Variants in RBFOX1 observed in about 807,000 individuals in gnomAD.
RBFOX1 encodes the protein RNA binding protein fox-1 homolog 1.
A neutral mutation model predicts 57.7 loss-of-function variants in RBFOX1; 8 were observed. The observed-to-expected ratio is 0.14, with a 90% CI of 0.08 to 0.25. The LOEUF is 0.25. Among genes scored for constraint, RBFOX1 ranks in the 10% least tolerant of loss-of-function variants. The pLI, the probability that RBFOX1 is intolerant of heterozygous loss-of-function variation, is 1.00. For synonymous variants in RBFOX1, 326 were observed against 222.4 expected, an observed-to-expected ratio of 1.47 and a Z score of -4.15; for missense variants, 611 against 548.5, an observed-to-expected ratio of 1.11 and a Z score of -1.14.
intron 2 of RBFOX1, among the ~76,000 whole-genome samples, chr16:5,510,262 C>G (rs566178392): frequency 6.0e-4 from 92 of 152,338 alleles, no homozygotes; most frequent in African/African-American, 1.8e-3. Flanking sequence ...CTTATTGTCA[C>G]AGGTGCAGCT....
intron 3 of RBFOX1, among the ~76,000 whole-genome samples, chr16:6,863,003 C>CA (rs1234017130): frequency 6.6e-6 from 1 of 151,142 alleles, no homozygotes; most frequent in African/African-American, 2.4e-5. Context: ...AAAAGGAAGA[C>CA]AGGCCGCAGC....
At chr16:6,312,479 T>C (rs971559388) in intron 1 of RBFOX1, among the ~76,000 whole-genome samples, 1 of 152,100 alleles carries the variant, frequency 6.6e-6, no homozygotes, top group Non-Finnish European at 1.5e-5. Flanking sequence ...TGAACCTAGA[T>C]AGGGTGAGGT....
At chr16:5,683,677 C>A (rs1017155332) in intron 3 of RBFOX1, among the ~76,000 whole-genome samples, 1 of 151,836 alleles carries the variant, frequency 6.6e-6, no homozygotes, top group Admixed American at 6.6e-5. Flanking sequence ...CCTCAGCTTA[C>A]ACACGGCCTA....
chr16:6,457,393 T>A (rs1478376796), intron 2 of RBFOX1, among the ~76,000 whole-genome samples: 1 of 148,246 alleles, frequency 6.7e-6, no homozygotes, highest in African/African-American at 2.5e-5. Flanking sequence ...AGGACACATC[T>A]CTGGGCCCTT....
At chr16:7,513,278 A>G (rs28542601) in intron 4 of RBFOX1, among the ~76,000 whole-genome samples, 1 of 17,410 alleles carries the variant, frequency 5.7e-5, no homozygotes, top group Non-Finnish European at 5.4e-4. Context: ...AAATAAAAAT[A>G]AAAATAATGA....
At chr16:7,268,922 A>C (rs1447315911) in intron 4 of RBFOX1, among the ~76,000 whole-genome samples, 1 of 151,818 alleles carries the variant, frequency 6.6e-6, no homozygotes, top group African/African-American at 2.4e-5. Context: ...CTGCAATCCC[A>C]GCTACTCAGG....
At chr16:7,075,008 A>C (rs1201948638) in intron 4 of RBFOX1, among the ~76,000 whole-genome samples, 1 of 152,152 alleles carries the variant, frequency 6.6e-6, no homozygotes. Flanking sequence ...GTGAGAATTA[A>C]AGAAAAAGAG....
intron 2 of RBFOX1, among the ~76,000 whole-genome samples, chr16:6,516,966 G>T (rs888059489): frequency 6.6e-6 from 1 of 152,144 alleles, no homozygotes; most frequent in Non-Finnish European, 1.5e-5. Flanking sequence ...TGGGGGCAGA[G>T]ATAAAGTATG....
intron 2 of RBFOX1, among the ~76,000 whole-genome samples, chr16:5,507,264 C>A (rs371313267): frequency 3.9e-5 from 6 of 152,194 alleles, no homozygotes; most frequent in African/African-American, 1.4e-4. Context: ...ATTATTATAC[C>A]ATTTGCCATG....
chr16:6,694,234 G>T (rs2060685586), intron 3 of RBFOX1, among the ~76,000 whole-genome samples: 1 of 152,092 alleles, frequency 6.6e-6, no homozygotes, highest in Non-Finnish European at 1.5e-5. Context: ...CACCCATTGT[G>T]CGATTCTCCA....
intron 3 of RBFOX1, among the ~76,000 whole-genome samples, chr16:6,767,944 T>TAAGAAGAAGAAGAAGAAGAAGAAG (rs1328651970): frequency 4.4e-4 from 38 of 86,634 alleles, no homozygotes; most frequent in African/African-American, 1.9e-3. Context: ...ATAATAATAA[T>TAAGAAGAAGAAGAAGAAGAAGAAG]AATAAGAAGA....
chr16:6,735,407 G>C (rs2069909857), intron 3 of RBFOX1, among the ~76,000 whole-genome samples: 1 of 152,170 alleles, frequency 6.6e-6, no homozygotes, highest in Non-Finnish European at 1.5e-5. Flanking sequence ...TTGGAAAATT[G>C]TAAATAGGTA....
intron 3 of RBFOX1, among the ~76,000 whole-genome samples, chr16:5,778,444 C>G (rs1268182390): frequency 6.6e-6 from 1 of 152,192 alleles, no homozygotes; most frequent in Non-Finnish European, 1.5e-5. Flanking sequence ...TCCCTGCCAG[C>G]CCATGAAATT....
At chr16:6,503,104 C>A (rs892907412) in intron 2 of RBFOX1, among the ~76,000 whole-genome samples, 1 of 152,094 alleles carries the variant, frequency 6.6e-6, no homozygotes, top group Non-Finnish European at 1.5e-5. Context: ...ACCTAAGAAA[C>A]TATGAAGAGT....
chr16:7,511,752 G>A (rs1214251392), intron 4 of RBFOX1, among the ~76,000 whole-genome samples: 1 of 152,166 alleles, frequency 6.6e-6, no homozygotes, highest in African/African-American at 2.4e-5. Context: ...CTGTCGTTGA[G>A]TTGCTCTCGT....
At chr16:5,366,858 T>C (rs1384715382) in intron 1 of RBFOX1, among the ~76,000 whole-genome samples, 1 of 152,238 alleles carries the variant, frequency 6.6e-6, no homozygotes, top group East Asian at 1.9e-4. Flanking sequence ...AATGCCTGTT[T>C]AGTTTTTAAA....
At chr16:7,175,630 C>T (rs2081509701) in intron 4 of RBFOX1, among the ~76,000 whole-genome samples, 1 of 152,176 alleles carries the variant, frequency 6.6e-6, no homozygotes, top group Non-Finnish European at 1.5e-5. Flanking sequence ...TCCATTATCT[C>T]ACCCCAACAG....
chr16:6,595,688 C>T (rs748462402), intron 2 of RBFOX1, among the ~76,000 whole-genome samples: 4 of 152,124 alleles, frequency 2.6e-5, no homozygotes, highest in Admixed American at 6.6e-5. Flanking sequence ...ATGTCTCTGG[C>T]TTCCCTTTTG....
intron 3 of RBFOX1, among the ~76,000 whole-genome samples, chr16:5,607,699 C>T (rs1270579011): frequency 6.6e-6 from 1 of 152,176 alleles, no homozygotes; most frequent in Non-Finnish European, 1.5e-5. Flanking sequence ...TCATACTTCT[C>T]TCTGTCGACA....
Sources: allele counts gnomAD v4.1 joint callset (sites outside exome capture counted in the v4.1 genomes callset), GRCh38; gene constraint gnomAD v4.1.1; transcripts MANE v1.5; gene names NCBI Gene and HGNC (gene_info 2026-07-23, HGNC 2026-07-21).